Variants in OCLN observed in about 807,000 individuals in gnomAD.
OCLN encodes the protein occludin, also known as phosphatase 1, regulatory subunit 115.
A neutral mutation model predicts 47.9 loss-of-function variants in OCLN; 21 were observed. That is an observed-to-expected ratio of 0.44 (90% CI 0.31 to 0.63). The LOEUF (loss-of-function observed/expected upper bound fraction) is 0.63. Ranked by LOEUF, OCLN falls within the 30% of genes least tolerant of loss-of-function variation. The probability of loss-of-function intolerance (pLI) is 0.08; values close to 1 mark genes in which losing one functional copy is unlikely to be tolerated. For missense variants in OCLN, 360 were observed against 571.0 expected (o/e 0.63, Z 3.77); for synonymous variants, 117 against 198.4 (o/e 0.59, Z 3.45).
chr5:69,525,197 C>T (rs913791643), intron 4 of OCLN, among the ~76,000 whole-genome samples: 8 of 151,992 alleles, frequency 5.3e-5, no homozygotes, highest in South Asian at 2.1e-4. Context: ...CTCCACCTCC[C>T]GGGTTGACGC....
At chr5:69,499,080 ATTG>A (rs1005543483) in intron 1 of OCLN, among the ~76,000 whole-genome samples, 1 of 151,928 alleles carries the variant, frequency 6.6e-6, no homozygotes, top group African/African-American at 2.4e-5. Context: ...TTTTTGTTTT[ATTG>A]TTTATTATTT....
At chr5:69,517,909 G>GTAAATGTTTC (rs1769023055) in intron 4 of OCLN, among the ~76,000 whole-genome samples, 1 of 152,158 alleles carries the variant, frequency 6.6e-6, no homozygotes, top group African/African-American at 2.4e-5. Flanking sequence ...GAGCTATGAA[G>GTAAATGTTTC]TAAATGTTTC....
intron 2 of OCLN, among the ~76,000 whole-genome samples, chr5:69,504,674 C>A (rs970751501): frequency 6.6e-6 from 1 of 152,140 alleles, no homozygotes; most frequent in Non-Finnish European, 1.5e-5. Flanking sequence ...CGGTGGCTCA[C>A]GCCTGTAATC....
At chr5:69,528,839 G>A (rs1426479180) in intron 4 of OCLN, among the ~76,000 whole-genome samples, 1 of 152,160 alleles carries the variant, frequency 6.6e-6, no homozygotes, top group Non-Finnish European at 1.5e-5. Context: ...CTTCTTAGAG[G>A]TAGATGGCTT....
intron 4 of OCLN, among the ~76,000 whole-genome samples, chr5:69,520,983 G>C (rs1038095770): frequency 6.6e-6 from 1 of 152,092 alleles, no homozygotes; most frequent in African/African-American, 2.4e-5. Flanking sequence ...GAGTAGCTGG[G>C]ATTACAGGCA....
At position 69,514,034 on chromosome 5, in the gene OCLN, C is replaced by T. The variant is rs1768857150; in HGVS notation, c.816C>T (p.Asp272=). ...FFAVKTRRKM[D]RYDKSNILWD... ...CTGTGAAAACTCGAAGAAAGATGGA[C>T]AGGTATGACAAGTCCAATATTTTGT... The change falls in exon 4 of 9, where the codon GAC becomes GAT. Residue 272 remains aspartate, a synonymous_variant. Transcript: ENST00000396442. The T allele has an allele frequency of 6.2e-7, 1 of 1,613,548 alleles. No individual in the cohort carries two copies. The highest frequency in any genetic ancestry group is 1.1e-5 in the South Asian group (1 of 91,084).
chr5:69,536,207 A>T (rs2112069074), intron 5 of OCLN, among the ~76,000 whole-genome samples: 1 of 152,058 alleles, frequency 6.6e-6, no homozygotes, highest in South Asian at 2.1e-4. Context: ...GCTCTGGGTG[A>T]GTCAGGGAGT....
chr5:69,534,177 T>TAC (rs1769525131), intron 4 of OCLN, among the ~76,000 whole-genome samples: 2 of 106,602 alleles, frequency 1.9e-5, no homozygotes, highest in Admixed American at 1.1e-4. Flanking sequence ...ATTTCTTCTG[T>TAC]GGTTTTAACA....
intron 2 of OCLN, among the ~76,000 whole-genome samples, chr5:69,506,506 A>G (rs567621155): frequency 3.3e-5 from 5 of 152,272 alleles, no homozygotes; most frequent in Admixed American, 3.3e-4. Context: ...ATCATTGGCC[A>G]TTGGTGAGCA....
chr5:69,512,680 G>A (rs1188284592), intron 3 of OCLN, among the ~76,000 whole-genome samples: 1 of 152,170 alleles, frequency 6.6e-6, no homozygotes, highest in Non-Finnish European at 1.5e-5. Context: ...ATTCATGAAC[G>A]TAAGATTCTT....
intron 1 of OCLN, among the ~76,000 whole-genome samples, chr5:69,498,106 T>G (rs1008943733): frequency 1.3e-5 from 2 of 151,736 alleles, no homozygotes; most frequent in East Asian, 3.9e-4. Context: ...CACTCCAGCC[T>G]GGGCGACAGA....
At chr5:69,533,108 C>CACAT (rs1554055366) in intron 4 of OCLN, among the ~76,000 whole-genome samples, 1,762 of 146,960 alleles carry the variant, frequency 0.012, 18 homozygotes, top group South Asian at 0.023. Flanking sequence ...CACACACACA[C>CACAT]ATATATATAT....
chr5:69,510,442 G>A (rs1768747284), intron 3 of OCLN, among the ~76,000 whole-genome samples: 1 of 152,120 alleles, frequency 6.6e-6, no homozygotes, highest in African/African-American at 2.4e-5. Context: ...AGCACTTTGG[G>A]AGGCTGAGGC....
intron 1 of OCLN, among the ~76,000 whole-genome samples, chr5:69,494,387 A>G (rs535550369): frequency 7.6e-4 from 116 of 152,250 alleles, no homozygotes; most frequent in Admixed American, 7.5e-3. Context: ...GGGTTTTGCC[A>G]TTTGGTCAGG....
intron 4 of OCLN, among the ~76,000 whole-genome samples, chr5:69,517,759 C>G (rs906088736): frequency 5.3e-5 from 8 of 151,944 alleles, no homozygotes; most frequent in African/African-American, 1.9e-4. Flanking sequence ...GACGATAGTT[C>G]TTATGTCCCT....
chr5:69,548,336 T>C (rs1580594943), intron 7 of OCLN, among the ~76,000 whole-genome samples: 1 of 144,208 alleles, frequency 6.9e-6, no homozygotes, highest in East Asian at 2.0e-4. Context: ...TTTTTTGAGG[T>C]GGAGTCTCGT....
rs548532908 is a variant in OCLN, at chr5:69,523,826, G to A, written c.891+9717G>A. Among the ~76,000 whole-genome samples the A allele has an allele frequency of 4.5e-4, 68 of 151,270 alleles. 1 individual carries two copies. The highest frequency in any genetic ancestry group is 9.4e-4 in the Non-Finnish European group (64 of 67,856). On this transcript the variant is annotated intron_variant, in intron 4 of 8. Coordinates refer to ENST00000396442, the MANE Select transcript of OCLN (RefSeq NM_001205254.2). ...GCTGGGGTTACAGGTGTAAGCCACCGTGCCCGGCCAATGATTACCTTTTTA... is the reference window on the plus strand; with the variant it reads ...GCTGGGGTTACAGGTGTAAGCCACCATGCCCGGCCAATGATTACCTTTTTA...
At chr5:69,522,893 A>AGTTTTTTTTTTTT (rs1769178635) in intron 4 of OCLN, among the ~76,000 whole-genome samples, 2 of 13,794 alleles carry the variant, frequency 1.4e-4, no homozygotes, top group Non-Finnish European at 1.8e-4. Flanking sequence ...TGCCTGGCTG[A>AGTTTTTTTTTTTT]CTTTTTTTTT....
At chr5:69,498,717 T>C (rs1184600469) in intron 1 of OCLN, among the ~76,000 whole-genome samples, 1 of 152,098 alleles carries the variant, frequency 6.6e-6, no homozygotes, top group Non-Finnish European at 1.5e-5. Context: ...TCTCACTCCA[T>C]CATCTAGGCT....
Sources: allele counts gnomAD v4.1 joint callset (sites outside exome capture counted in the v4.1 genomes callset), GRCh38; gene constraint gnomAD v4.1.1; transcripts MANE v1.5; gene names NCBI Gene and HGNC (gene_info 2026-07-23, HGNC 2026-07-21).